EEIG2: variants seen among roughly 807,000 people sequenced by gnomAD.
EEIG2 encodes family with sequence similarity 102 member B.
At chr1:108,563,246 C>G in the EEIG2 span, among the ~76,000 whole-genome samples, 1 of 152,308 alleles carries the variant, frequency 6.6e-6, no homozygotes, top group Non-Finnish European at 1.5e-5. Context: ...TAAATTCCAT[C>G]TGGAATTTTG....
At chr1:108,613,132 G>A in the EEIG2 span, among the ~76,000 whole-genome samples, 405 of 152,304 alleles carry the variant, frequency 2.7e-3, 3 homozygotes, top group African/African-American at 9.4e-3. Flanking sequence ...GTGGGACAGC[G>A]AGTTGATATG....
the EEIG2 span, among the ~76,000 whole-genome samples, chr1:108,618,484 A>G: frequency 2.6e-5 from 4 of 152,222 alleles, no homozygotes; most frequent in African/African-American, 9.6e-5. Flanking sequence ...CTTAATGATT[A>G]AAAGTGAAAG....
chr1:108,622,647 G>C, the EEIG2 span, among the ~76,000 whole-genome samples: 1 of 152,208 alleles, frequency 6.6e-6, no homozygotes, highest in Admixed American at 6.5e-5. Context: ...TCACGTACCT[G>C]TAGGACAAAT....
the EEIG2 span, among the ~76,000 whole-genome samples, chr1:108,619,865 G>A: frequency 6.6e-6 from 1 of 152,184 alleles, no homozygotes; most frequent in Non-Finnish European, 1.5e-5. Context: ...ACTCCAGGCT[G>A]GGTGACAGAG....
chr1:108,612,140 T>C, the EEIG2 span: 1 of 1,409,674 alleles, frequency 7.1e-7, no homozygotes, highest in Non-Finnish European at 9.9e-7. Flanking sequence ...AGAAGCCTAC[T>C]AGATAGTCTA....
At chr1:108,591,395 G>A in the EEIG2 span, among the ~76,000 whole-genome samples, 1 of 152,142 alleles carries the variant, frequency 6.6e-6, no homozygotes, top group East Asian at 1.9e-4. Context: ...GATTGTTTGA[G>A]AATCCAAGGC....
At chr1:108,627,926 T>A in the EEIG2 span, 2 of 494,572 alleles carry the variant, frequency 4.0e-6, no homozygotes, top group Non-Finnish European at 7.3e-6. Flanking sequence ...AATAAAGGAC[T>A]GAAATAATTT....
chr1:108,615,709 GT>G, the EEIG2 span, among the ~76,000 whole-genome samples: 5 of 151,228 alleles, frequency 3.3e-5, no homozygotes, highest in Non-Finnish European at 7.4e-5. Context: ...GAGCCCAGGA[GT>G]TTAAGACTGC....
the EEIG2 span, among the ~76,000 whole-genome samples, chr1:108,634,239 G>A: frequency 6.6e-6 from 1 of 152,166 alleles, no homozygotes; most frequent in African/African-American, 2.4e-5. Context: ...AGGATGAATG[G>A]GTGCTCACTG....
At chr1:108,601,573 TATAAC>T in the EEIG2 span, among the ~76,000 whole-genome samples, 1 of 151,834 alleles carries the variant, frequency 6.6e-6, no homozygotes, top group African/African-American at 2.4e-5. Context: ...CATTACAAAA[TATAAC>T]ATAAAGTCTT....
At chr1:108,568,216 A>G in the EEIG2 span, among the ~76,000 whole-genome samples, 1 of 152,222 alleles carries the variant, frequency 6.6e-6, no homozygotes. Flanking sequence ...AAATATTGAA[A>G]GAAAGCAAAT....
At chr1:108,622,170 A>G in the EEIG2 span, among the ~76,000 whole-genome samples, 1 of 152,180 alleles carries the variant, frequency 6.6e-6, no homozygotes, top group Non-Finnish European at 1.5e-5. Flanking sequence ...AAGAAAAAAG[A>G]AAGGAGAAAG....
the EEIG2 span, among the ~76,000 whole-genome samples, chr1:108,567,931 T>C: frequency 6.6e-6 from 1 of 151,870 alleles, no homozygotes; most frequent in Non-Finnish European, 1.5e-5. Context: ...CTTGGGAGAT[T>C]GAAGCTGCAA....
the EEIG2 span, among the ~76,000 whole-genome samples, chr1:108,609,478 G>C: frequency 6.6e-6 from 1 of 152,210 alleles, no homozygotes; most frequent in Non-Finnish European, 1.5e-5. Context: ...AGGATGGTCA[G>C]GGAAGGCCCC....
chr1:108,636,197 T>C, the EEIG2 span: 4 of 152,260 alleles, frequency 2.6e-5, no homozygotes, highest in Non-Finnish European at 4.4e-5. Context: ...AAGAGTAGAA[T>C]ATAACATCTA....
the EEIG2 span, among the ~76,000 whole-genome samples, chr1:108,623,985 G>GA: frequency 8.4e-3 from 1,234 of 147,018 alleles, 15 homozygotes; most frequent in African/African-American, 0.029. Flanking sequence ...AATTTTTAAA[G>GA]AAAAAAAAAA....
chr1:108,564,606 A>C, the EEIG2 span, among the ~76,000 whole-genome samples: 1 of 152,156 alleles, frequency 6.6e-6, no homozygotes, highest in Non-Finnish European at 1.5e-5. Context: ...TACTAAACTT[A>C]TTTAGAATTT....
the EEIG2 span, among the ~76,000 whole-genome samples, chr1:108,572,105 T>A: frequency 6.6e-6 from 1 of 152,344 alleles, no homozygotes; most frequent in East Asian, 1.9e-4. Flanking sequence ...GATTGCCATG[T>A]CTAATCAGTA....
chr1:108,624,067 GAA>G, the EEIG2 span, among the ~76,000 whole-genome samples: 1 of 152,128 alleles, frequency 6.6e-6, no homozygotes, highest in African/African-American at 2.4e-5. Flanking sequence ...ATTAACCAAT[GAA>G]AATAGATCCA....
Sources: gnomAD v4.1 joint callset for allele counts (sites outside exome capture counted in the v4.1 genomes callset) on GRCh38, gnomAD v4.1.1 for gene constraint, MANE v1.5 for transcripts, NCBI Gene and HGNC (gene_info 2026-07-23, HGNC 2026-07-21) for gene names.